Variants in ASZ1 observed in about 807,000 individuals in gnomAD.
The protein encoded by ASZ1 is ankyrin repeat, SAM and basic leucine zipper domain-containing protein 1.
In ASZ1, 67 loss-of-function variants were observed where a neutral mutation model predicts 61.8. The observed-to-expected ratio is 1.08, with a 90% CI of 0.89 to 1.33. The LOEUF (loss-of-function observed/expected upper bound fraction) is 1.33. ASZ1 is among the 40% of genes most tolerant of loss of function. The pLI is 0.00. For missense variants in ASZ1, 577 were observed against 554.5 expected, an observed-to-expected ratio of 1.04 and a Z score of -0.41; for synonymous variants, 193 against 192.7, an observed-to-expected ratio of 1.00 and a Z score of -0.01.
chr7:117,393,350 AAT>A (rs1354134993), intron 4 of ASZ1, among the ~76,000 whole-genome samples: 1 of 152,132 alleles, frequency 6.6e-6, no homozygotes, highest in Non-Finnish European at 1.5e-5. Context: ...AAAGTCTTCA[AAT>A]ATGATTATAG....
intron 4 of ASZ1, among the ~76,000 whole-genome samples, chr7:117,403,332 G>T (rs77383877): frequency 6.6e-6 from 1 of 152,074 alleles, no homozygotes; most frequent in African/African-American, 2.4e-5. Context: ...GTGCACTACT[G>T]GCCTTATAAT....
intron 3 of ASZ1, among the ~76,000 whole-genome samples, chr7:117,420,945 C>T (rs909890523): frequency 6.6e-6 from 1 of 152,206 alleles, no homozygotes; most frequent in Non-Finnish European, 1.5e-5. Context: ...AGTCCTGCCA[C>T]TAAGAAACTG....
chr7:117,396,930 CA>C (rs1796585832), intron 4 of ASZ1, among the ~76,000 whole-genome samples: 1 of 151,144 alleles, frequency 6.6e-6, no homozygotes, highest in African/African-American at 2.4e-5. Context: ...CATTTTTTCT[CA>C]AAAAATGCAT....
chr7:117,380,277 C>T (rs1267046107), intron 9 of ASZ1, among the ~76,000 whole-genome samples: 2 of 151,624 alleles, frequency 1.3e-5, no homozygotes, highest in African/African-American at 2.4e-5. Context: ...TTTTGCAATA[C>T]ATAACAACTA....
rs1796903281 is a variant in ASZ1 at position 117,412,008 on chromosome 7, G to A, written c.440+8155C>T. Among the ~76,000 whole-genome samples the A allele has an allele frequency of 2.0e-5, 3 of 151,012 alleles. No homozygotes were observed. In the South Asian group the frequency reaches 6.3e-4, roughly 31 times the overall value. On this transcript the variant is annotated intron_variant, in intron 4 of 12. Coordinates refer to ENST00000284629, the MANE Select transcript of ASZ1 (RefSeq NM_130768.3). ...ATGGGAGGTAAACTTATTATGTACTGACAAGGAAAGATCCCAAACAAGTGA... is the reference window on the plus strand; with the variant it reads ...ATGGGAGGTAAACTTATTATGTACTAACAAGGAAAGATCCCAAACAAGTGA...
At chr7:117,375,451 C>T (rs1396499898) in intron 10 of ASZ1, among the ~76,000 whole-genome samples, 1 of 151,896 alleles carries the variant, frequency 6.6e-6, no homozygotes, top group Non-Finnish European at 1.5e-5. Flanking sequence ...ATATTAAGGC[C>T]CATCCTATAG....
intron 4 of ASZ1, among the ~76,000 whole-genome samples, chr7:117,414,131 A>T (rs1323219794): frequency 6.6e-6 from 1 of 152,158 alleles, no homozygotes; most frequent in African/African-American, 2.4e-5. Context: ...CAGAAGGAGG[A>T]TGTAATATTT....
intron 10 of ASZ1, among the ~76,000 whole-genome samples, chr7:117,370,456 T>C (rs1562844746): frequency 6.6e-6 from 1 of 152,094 alleles, no homozygotes; most frequent in Non-Finnish European, 1.5e-5. Flanking sequence ...ATTAGGCACA[T>C]TAAGTATACT....
chr7:117,427,205 C>A, intron 1 of ASZ1, 151 bp downstream of exon 1: 5 of 964,600 alleles, frequency 5.2e-6, no homozygotes, highest in Non-Finnish European at 7.8e-6. Context: ...GAAATTTGTG[C>A]GGGTTTGCTT....
chr7:117,406,978 T>C (rs544391256), intron 4 of ASZ1, among the ~76,000 whole-genome samples: 9 of 151,528 alleles, frequency 5.9e-5, no homozygotes, highest in Admixed American at 2.0e-4. Flanking sequence ...TACAGAAAGA[T>C]AGAAAATGGA....
At chr7:117,407,784 A>C (rs997450859) in intron 4 of ASZ1, among the ~76,000 whole-genome samples, 15 of 152,116 alleles carry the variant, frequency 9.9e-5, no homozygotes, top group African/African-American at 3.6e-4. Context: ...AGCTACTTTG[A>C]CCTTCTGTAA....
At chr7:117,366,288 T>G (rs1795934800) in intron 12 of ASZ1, among the ~76,000 whole-genome samples, 2 of 152,084 alleles carry the variant, frequency 1.3e-5, no homozygotes, top group South Asian at 4.1e-4. Flanking sequence ...AAAGACTCCT[T>G]TTGATTTAAC....
At chr7:117,378,472 CA>C (rs1796178466) in intron 10 of ASZ1, among the ~76,000 whole-genome samples, 1 of 151,966 alleles carries the variant, frequency 6.6e-6, no homozygotes, top group Non-Finnish European at 1.5e-5. Context: ...AATAAAAACA[CA>C]ACAAGCTATT....
chr7:117,378,426 A>G (rs1371954151), intron 10 of ASZ1, among the ~76,000 whole-genome samples: 1 of 152,136 alleles, frequency 6.6e-6, no homozygotes, highest in Non-Finnish European at 1.5e-5. Context: ...TAAGATATAA[A>G]AGGCTGTTTG....
At position 117,400,529 on chromosome 7, in the gene ASZ1, T is replaced by A. The variant is rs147148349; in HGVS notation, c.441-14720A>T. ...AGAAAGCAGTAACTTTAGGCCTTCT[T>A]ATGGTGATGGGGAACTCCAACACAA... On this transcript the variant is annotated intron_variant, in intron 4 of 12. Coordinates refer to ENST00000284629, the MANE Select transcript of ASZ1 (RefSeq NM_130768.3). Among the ~76,000 whole-genome samples the A allele has an allele frequency of 7.9e-5, 12 of 152,304 alleles. No individual in the cohort carries two copies. In the South Asian group the frequency reaches 8.3e-4, roughly 11 times the overall value.
At chr7:117,377,995 A>T (rs1028560407) in intron 10 of ASZ1, among the ~76,000 whole-genome samples, 11 of 152,180 alleles carry the variant, frequency 7.2e-5, no homozygotes, top group African/African-American at 2.7e-4. Context: ...GGTGAAAAAA[A>T]AAATGAACCT....
chr7:117,382,025 T>G, intron 8 of ASZ1, 44 bp downstream of exon 8: 1 of 1,220,372 alleles, frequency 8.2e-7, no homozygotes, highest in Non-Finnish European at 1.2e-6. Flanking sequence ...AACCAACAAA[T>G]TAACATATAT....
chr7:117,393,704 T>C (rs1437383800), intron 4 of ASZ1, among the ~76,000 whole-genome samples: 1 of 152,212 alleles, frequency 6.6e-6, no homozygotes, highest in Non-Finnish European at 1.5e-5. Flanking sequence ...TTACCGATTA[T>C]ATTACTTTTC....
chr7:117,426,724 A>G, intron 2 of ASZ1, 112 bp downstream of exon 2: 2 of 954,560 alleles, frequency 2.1e-6, no homozygotes, highest in Admixed American at 2.4e-5. Flanking sequence ...AGGATGATAC[A>G]TTAACATTTG....
Sources: gnomAD v4.1 joint callset for allele counts (sites outside exome capture counted in the v4.1 genomes callset) on GRCh38, gnomAD v4.1.1 for gene constraint, MANE v1.5 for transcripts, NCBI Gene and HGNC (gene_info 2026-07-23, HGNC 2026-07-21) for gene names.